Variants in RELN observed in about 807,000 individuals in gnomAD.
RELN encodes the protein reelin.
A neutral mutation model predicts 427.6 loss-of-function variants in RELN; 108 were observed. That is an observed-to-expected ratio of 0.25 (90% CI 0.22 to 0.30). The LOEUF (loss-of-function observed/expected upper bound fraction) is 0.30. Ranked by LOEUF, RELN falls within the 10% of genes least tolerant of loss-of-function variation. The pLI is 1.00. For missense variants in RELN, 3,715 were observed against 4,302.8 expected (o/e 0.86, Z 3.82); for synonymous variants, 1,524 against 1,513.4 (o/e 1.01, Z -0.16).
intron 3 of RELN, among the ~76,000 whole-genome samples, chr7:103,818,520 T>C (rs1041522273): frequency 3.3e-5 from 5 of 152,166 alleles, no homozygotes; most frequent in African/African-American, 1.2e-4. Flanking sequence ...CTGGCCTTGA[T>C]ACAAAAATCA....
At chr7:103,634,801 T>C (rs1832541720) in intron 19 of RELN, among the ~76,000 whole-genome samples, 1 of 152,100 alleles carries the variant, frequency 6.6e-6, no homozygotes. Flanking sequence ...TTTAGTGCCA[T>C]ATTCTATTCC....
intron 2 of RELN, among the ~76,000 whole-genome samples, chr7:103,841,992 C>T (rs541613527): frequency 4.1e-4 from 63 of 152,140 alleles, no homozygotes; most frequent in South Asian, 8.3e-4. Flanking sequence ...AGGGCAAGTA[C>T]ATTAAAATTA....
rs965664348 is a variant in RELN, at chr7:103,682,319, T to C, written c.1144-58A>G. 8.2e-5 allele frequency: 130 copies of C among 1,580,912 alleles called. 1 individual carries two copies. In the South Asian group the frequency reaches 1.4e-3, roughly 17 times the overall value. On this transcript the variant is annotated intron_variant, in intron 10 of 64. Coordinates refer to ENST00000428762, the MANE Select transcript of RELN (RefSeq NM_005045.4). ...TGAATTGGTGTTGTAGCTGTATCTG[T>C]CTTACTCATGTATAATTAGAGTTTT...
chr7:103,697,788 T>C (rs1834008430), intron 10 of RELN, 65 bp downstream of exon 10: 1 of 1,610,496 alleles, frequency 6.2e-7, no homozygotes, highest in African/African-American at 1.3e-5. Flanking sequence ...TTTGGTTTAT[T>C]GAGCTTCACT....
chr7:103,942,693 C>A (rs1366106011), intron 1 of RELN, among the ~76,000 whole-genome samples: 1 of 152,094 alleles, frequency 6.6e-6, no homozygotes, highest in East Asian at 1.9e-4. Flanking sequence ...GCAGGAGGAT[C>A]ACAAGGTCAA....
chr7:103,885,579 G>A (rs998067713), intron 2 of RELN, among the ~76,000 whole-genome samples: 1 of 151,988 alleles, frequency 6.6e-6, no homozygotes, highest in Non-Finnish European at 1.5e-5. Context: ...CACACACCGG[G>A]GCCTGTTGTG....
rs747208548 is a variant in RELN at position 103,954,847 on chromosome 7, T to TAA, written c.226+34282_226+34283dup. Among the ~76,000 whole-genome samples the TAA allele has an allele frequency of 4.6e-5, 7 of 152,338 alleles. No individual in the cohort carries two copies. The South Asian group carries it at 6.2e-4, about 14-fold the overall frequency. ...GTATTTCAAAGCACAATGACAGAAG[T>TAA]AAAAGTTTCCATTTATCCTTTGTGC... On this transcript the variant is annotated intron_variant, in intron 1 of 64. Coordinates refer to ENST00000428762, the MANE Select transcript of RELN (RefSeq NM_005045.4).
intron 1 of RELN, among the ~76,000 whole-genome samples, chr7:103,950,528 CCTCA>C: frequency 6.6e-6 from 1 of 152,234 alleles, no homozygotes; most frequent in East Asian, 1.9e-4. Flanking sequence ...TAAAGTGGTT[CCTCA>C]GCATGTGCCC....
At chr7:103,658,163 A>G (rs1397980095) in intron 12 of RELN, among the ~76,000 whole-genome samples, 3 of 152,124 alleles carry the variant, frequency 2.0e-5, no homozygotes, top group African/African-American at 7.2e-5. Context: ...GTCCTCAATG[A>G]ATGTGTTGAA....
intron 4 of RELN, among the ~76,000 whole-genome samples, chr7:103,761,169 C>G (rs1791289283): frequency 2.0e-5 from 3 of 152,232 alleles, no homozygotes; most frequent in African/African-American, 7.2e-5. Flanking sequence ...CTTTCATATT[C>G]TAATATAAAC....
At chr7:103,804,386 G>C (rs2116320638) in intron 3 of RELN, among the ~76,000 whole-genome samples, 1 of 152,182 alleles carries the variant, frequency 6.6e-6, no homozygotes, top group Middle Eastern at 3.4e-3. Context: ...GTGGTATGAA[G>C]AGAAACCCAT....
At chr7:103,535,564 T>A (rs1385281976) in intron 45 of RELN, 80 bp from the exon 46 acceptor site, 88 of 1,353,780 alleles carry the variant, frequency 6.5e-5, no homozygotes, top group Non-Finnish European at 8.3e-5. Flanking sequence ...CATTTGTGTA[T>A]GTTTTAGTTT....
rs2299349 is a variant in RELN, at chr7:103,619,734, G to C, written c.2703-7931C>G. On this transcript the variant is annotated intron_variant, in intron 20 of 64. Coordinates refer to ENST00000428762, the MANE Select transcript of RELN (RefSeq NM_005045.4). ...CACAGCATGGGCTGTGGACCCCAGA[G>C]AAGAAGGGAAAGAGGGAGACCAAGG... is the stretch of plus-strand genomic sequence containing the variant. Among the ~76,000 whole-genome samples the C allele has an allele frequency of 7.7e-4, 117 of 152,296 alleles. No individual in the cohort carries two copies. In the South Asian group the frequency reaches 0.012, roughly 15 times the overall value.
chr7:103,695,642 C>T (rs1446148310), intron 10 of RELN, among the ~76,000 whole-genome samples: 1 of 152,014 alleles, frequency 6.6e-6, no homozygotes, highest in African/African-American at 2.4e-5. Context: ...ACAGAGGGTA[C>T]ATTTATGCCA....
chr7:103,654,106 T>C lies in RELN; in HGVS notation c.1541A>G (p.Tyr514Cys), dbSNP rs779391557. 6.3e-7 allele frequency: 1 copy of C among 1,574,818 alleles called. No individual in the cohort carries two copies. Among genetic ancestry groups the C allele is most frequent in the South Asian group, 1.1e-5 (1 of 90,306 alleles). The change falls in exon 13 of 65, where the codon TAT becomes TGT. Residue 514 changes from tyrosine (Y) to cysteine (C), a missense_variant. By Grantham distance (194) the Tyr-to-Cys change is radical. Transcript: ENST00000428762. ...TGGCATGTGTACCTTATATGAGGAATAGGAAAGGGTATCCAGTGTTATATG... is the reference window on the plus strand; with the variant it reads ...TGGCATGTGTACCTTATATGAGGAACAGGAAAGGGTATCCAGTGTTATATG... ...KEHITLDTLSYSSYKVPSLVS... is the reference protein window; with the variant it reads ...KEHITLDTLSCSSYKVPSLVS...
chr7:103,804,274 G>T (rs1563023211), intron 3 of RELN, among the ~76,000 whole-genome samples: 1 of 152,092 alleles, frequency 6.6e-6, no homozygotes, highest in South Asian at 2.1e-4. Flanking sequence ...TAACATACCT[G>T]CATGATTGAT....
chr7:103,826,207 C>G (rs139519496), intron 3 of RELN, among the ~76,000 whole-genome samples: 384 of 151,992 alleles, frequency 2.5e-3, no homozygotes, highest in Non-Finnish European at 2.7e-3. Context: ...CAGATGCAGC[C>G]CCTTAATCTG....
At chr7:103,896,219 T>C (rs1794956820) in intron 2 of RELN, among the ~76,000 whole-genome samples, 1 of 152,120 alleles carries the variant, frequency 6.6e-6, no homozygotes, top group African/African-American at 2.4e-5. Context: ...TCTAATGCTA[T>C]GTTGGTGAGT....
chr7:103,903,518 GAAGA>G (rs1795128216), intron 2 of RELN, among the ~76,000 whole-genome samples: 1 of 152,078 alleles, frequency 6.6e-6, no homozygotes, highest in Non-Finnish European at 1.5e-5. Flanking sequence ...TGCCAAGACA[GAAGA>G]AATATCTCAC....
Sources: allele counts gnomAD v4.1 joint callset (sites outside exome capture counted in the v4.1 genomes callset), GRCh38; gene constraint gnomAD v4.1.1; transcripts MANE v1.5; gene names NCBI Gene and HGNC (gene_info 2026-07-23, HGNC 2026-07-21).